Variants in GRID2 observed in about 807,000 individuals in gnomAD.
The protein encoded by GRID2 is glutamate ionotropic receptor delta type subunit 2.
A neutral mutation model predicts 114.8 loss-of-function variants in GRID2; 33 were observed. The ratio of observed to expected loss-of-function variants is 0.29; its 90% CI spans 0.22 to 0.38. The LOEUF is 0.38. Among genes scored for constraint, GRID2 ranks in the 10% least tolerant of loss-of-function variants. The pLI is 1.00. For synonymous variants in GRID2, 505 were observed against 449.9 expected (o/e 1.12, Z -1.55); for missense variants, 1,184 against 1,257.7 (o/e 0.94, Z 0.89).
chr4:92,540,555 C>G (rs1458835903), intron 1 of GRID2, among the ~76,000 whole-genome samples: 4 of 152,228 alleles, frequency 2.6e-5, no homozygotes, highest in African/African-American at 9.6e-5. Flanking sequence ...CTCATCATCA[C>G]TGGCCATCAG....
intron 1 of GRID2, among the ~76,000 whole-genome samples, chr4:92,492,961 T>C (rs1723213687): frequency 1.3e-5 from 2 of 151,718 alleles, no homozygotes; most frequent in South Asian, 4.2e-4. Context: ...AAACCCCGTC[T>C]CTACTAAAAA....
Position 92,822,284 on chromosome 4 carries a change from G to C in GRID2, c.244+231998G>C, listed in dbSNP as rs1340060887. ...TGTTGAGATCGCATGGCATGGCATG[G>C]CATGGCCAGCATTGCCTCCAGAAGC... is the stretch of plus-strand genomic sequence containing the variant. On this transcript the variant is annotated intron_variant, in intron 2 of 15. Transcript: ENST00000282020. 6.7e-6 allele frequency: 4 copies of C among 594,114 alleles called. No individual in the cohort carries two copies. The East Asian group carries it at 1.8e-4, about 26-fold the overall frequency. 36.8% of individuals were successfully genotyped at this position (594,114 alleles called of 1,614,324 possible).
intron 2 of GRID2, among the ~76,000 whole-genome samples, chr4:92,819,104 C>T (rs1393626987): frequency 6.6e-6 from 1 of 151,732 alleles, no homozygotes; most frequent in Non-Finnish European, 1.5e-5. Flanking sequence ...CAACTTTACT[C>T]CCAGCATGAG....
At chr4:92,456,234 A>T (rs955335360) in intron 1 of GRID2, among the ~76,000 whole-genome samples, 1 of 152,088 alleles carries the variant, frequency 6.6e-6, no homozygotes, top group African/African-American at 2.4e-5. Flanking sequence ...ATAAACTCAC[A>T]TAAGAGGCTT....
chr4:92,481,589 A>G (rs370434039), intron 1 of GRID2, among the ~76,000 whole-genome samples: 1 of 152,092 alleles, frequency 6.6e-6, no homozygotes, highest in South Asian at 2.1e-4. Flanking sequence ...CTAGCATCAT[A>G]AAATTTTCAT....
chr4:93,707,972 T>A (rs1428935732), intron 14 of GRID2, among the ~76,000 whole-genome samples: 4 of 152,000 alleles, frequency 2.6e-5, no homozygotes, highest in Admixed American at 2.6e-4. Context: ...GAGCATATTG[T>A]TTAATTTCCA....
chr4:93,589,024 T>A (rs1281199962), intron 13 of GRID2, among the ~76,000 whole-genome samples: 1 of 145,152 alleles, frequency 6.9e-6, no homozygotes, highest in East Asian at 1.9e-4. Context: ...GATTCTGCAC[T>A]CCCCTGCTTT....
At chr4:92,439,652 G>A (rs181437880) in intron 1 of GRID2, among the ~76,000 whole-genome samples, 3 of 145,310 alleles carry the variant, frequency 2.1e-5, no homozygotes, top group African/African-American at 7.4e-5. Flanking sequence ...ATTGGTGATG[G>A]CCTGGATACG....
At chr4:92,502,705 CTTTTTT>C (rs70940901) in intron 1 of GRID2, among the ~76,000 whole-genome samples, 5 of 63,938 alleles carry the variant, frequency 7.8e-5, no homozygotes, top group African/African-American at 1.9e-4. Context: ...CATGTGATTT[CTTTTTT>C]TTTTTTTTTT....
intron 4 of GRID2, among the ~76,000 whole-genome samples, chr4:93,113,877 C>T (rs1434804800): frequency 6.6e-6 from 1 of 152,040 alleles, no homozygotes; most frequent in Non-Finnish European, 1.5e-5. Context: ...GCAGGAAGAC[C>T]ATAAATAAAA....
At chr4:93,029,991 A>T (rs1355087024) in intron 2 of GRID2, among the ~76,000 whole-genome samples, 1 of 152,142 alleles carries the variant, frequency 6.6e-6, no homozygotes, top group African/African-American at 2.4e-5. Context: ...CTGCTAGGGG[A>T]ACACAGCTGG....
intron 1 of GRID2, among the ~76,000 whole-genome samples, chr4:92,318,417 C>T (rs993399447): frequency 3.2e-5 from 4 of 125,792 alleles, no homozygotes; most frequent in African/African-American, 6.1e-5. Flanking sequence ...AAGTTGTTTT[C>T]TTTTAGGCCC....
intron 2 of GRID2, among the ~76,000 whole-genome samples, chr4:92,680,882 A>T (rs1213368225): frequency 1.3e-5 from 2 of 152,180 alleles, no homozygotes; most frequent in Admixed American, 6.5e-5. Context: ...TACTTAGGTG[A>T]TTGGAAATGT....
rs77752847 is a variant in GRID2, at chr4:93,123,065, A to G, written c.735+12112A>G. Among the ~76,000 whole-genome samples the G allele has an allele frequency of 7.7e-3, 1,174 of 152,112 alleles. 16 individuals are homozygous for G. Among genetic ancestry groups the G allele is most frequent in the African/African-American group, 0.027 (1,113 of 41,518 alleles). ...TGCAGAAGGTTTCTCTGAACATGGA[A>G]ACTAAGCAAAGAACGGGTTTCCAAT... On this transcript the variant is annotated intron_variant, in intron 4 of 15. Coordinates refer to ENST00000282020, the MANE Select transcript of GRID2 (RefSeq NM_001510.4).
intron 7 of GRID2, among the ~76,000 whole-genome samples, chr4:93,235,991 A>C (rs1746745133): frequency 6.6e-6 from 1 of 152,098 alleles, no homozygotes; most frequent in African/African-American, 2.4e-5. Flanking sequence ...AAGCTACTAA[A>C]ACATAAATTT....
intron 1 of GRID2, among the ~76,000 whole-genome samples, chr4:92,485,486 G>A (rs2149108681): frequency 6.6e-6 from 1 of 150,708 alleles, no homozygotes; most frequent in African/African-American, 2.4e-5. Flanking sequence ...GATCACCTGA[G>A]GTCAGGAGTT....
chr4:92,507,838 C>A (rs1286712547), intron 1 of GRID2, among the ~76,000 whole-genome samples: 4 of 151,844 alleles, frequency 2.6e-5, no homozygotes, highest in Non-Finnish European at 5.9e-5. Flanking sequence ...CTAGTATGTG[C>A]TAAATTCACA....
chr4:93,759,087 G>T (rs1364597171), intron 14 of GRID2, among the ~76,000 whole-genome samples: 1 of 151,984 alleles, frequency 6.6e-6, no homozygotes, highest in Non-Finnish European at 1.5e-5. Context: ...CTCATTTTAT[G>T]AAAGATCATG....
rs1007120449 is a variant in GRID2, at chr4:92,852,400, C to A, written c.245-232595C>A. On this transcript the variant is annotated intron_variant, in intron 2 of 15. Coordinates refer to ENST00000282020, the MANE Select transcript of GRID2 (RefSeq NM_001510.4). ...TTCTGCATCTTCTTCCCTACTAGCT[C>A]CTTTCCCTCAGATAGGCTGAACTGT... Among the ~76,000 whole-genome samples the A allele has an allele frequency of 1.1e-4, 17 of 151,884 alleles. 1 individual carries two copies. The Admixed American group carries it at 1.1e-3, about 10-fold the overall frequency.
Sources: allele counts gnomAD v4.1 joint callset (sites outside exome capture counted in the v4.1 genomes callset), GRCh38; gene constraint gnomAD v4.1.1; transcripts MANE v1.5; gene names NCBI Gene and HGNC (gene_info 2026-07-23, HGNC 2026-07-21).